Variants in CDRT4 observed in about 807,000 individuals in gnomAD.
CDRT4 encodes CMT1A duplicated region transcript 4 protein.
For synonymous variants in CDRT4, 64 were observed against 69.6 expected (o/e 0.92, Z 0.40); for missense variants, 167 against 193.1 (o/e 0.87, Z 0.80).
intron 1 of CDRT4, among the ~76,000 whole-genome samples, chr17:15,462,579 C>CGA (rs1979809148): frequency 6.6e-6 from 1 of 151,918 alleles, no homozygotes; most frequent in Non-Finnish European, 1.5e-5. Flanking sequence ...GGCATTCATT[C>CGA]AGAAGAATAC....
intron 2 of CDRT4, among the ~76,000 whole-genome samples, chr17:15,443,009 C>T (rs1978839762): frequency 6.6e-6 from 1 of 152,156 alleles, no homozygotes; most frequent in Admixed American, 6.5e-5. Context: ...AAGCGGCTTT[C>T]TTGTTTTTCC....
At chr17:15,459,623 T>A (rs1433437413) in intron 1 of CDRT4, among the ~76,000 whole-genome samples, 2 of 151,928 alleles carry the variant, frequency 1.3e-5, no homozygotes, top group African/African-American at 4.8e-5. Context: ...TTTTTTTGTA[T>A]TTTTAGTAGA....
At chr17:15,440,475 G>T (rs911191342) in intron 2 of CDRT4, among the ~76,000 whole-genome samples, 190 bp from the exon 3 acceptor site, 1 of 152,146 alleles carries the variant, frequency 6.6e-6, no homozygotes, top group African/African-American at 2.4e-5. Flanking sequence ...AAGGCCTGCA[G>T]GCATGGCCTT....
chr17:15,444,714 C>CAG (rs59581257), intron 2 of CDRT4, among the ~76,000 whole-genome samples: 5,286 of 135,832 alleles, frequency 0.039, 139 homozygotes, highest in African/African-American at 0.072. Context: ...TAGCCAAGCG[C>CAG]AGAGAGAGAG....
intron 1 of CDRT4, among the ~76,000 whole-genome samples, chr17:15,453,617 C>G (rs1350737519): frequency 1.3e-5 from 2 of 152,150 alleles, no homozygotes; most frequent in African/African-American, 4.8e-5. Flanking sequence ...CTTTACTGTT[C>G]TAGTGAGGTT....
At chr17:15,444,544 T>G (rs1978928203) in intron 2 of CDRT4, among the ~76,000 whole-genome samples, 1 of 152,122 alleles carries the variant, frequency 6.6e-6, no homozygotes. Flanking sequence ...TAAAATATTA[T>G]TATTAACTAC....
rs1416188203 is a variant in CDRT4 at position 15,450,772 on chromosome 17, T to G, written c.-48+2232A>C. Among the ~76,000 whole-genome samples the G allele has an allele frequency of 6.6e-6, 1 of 152,192 alleles. No homozygotes were observed. The highest frequency in any genetic ancestry group is 1.5e-5 in the Non-Finnish European group (1 of 68,046). On this transcript the variant is annotated intron_variant, in intron 2 of 3. Transcript: ENST00000619038. The surrounding 1 kb of genome is among the most constrained non-coding windows in gnomAD (Gnocchi z 4.2). ...ACTTTTCATGGTTCAAACAAACTCT[T>G]GACCTTACTCCATAAAATGTTCCTC... is the stretch of plus-strand genomic sequence containing the variant.
chr17:15,447,891 A>C (rs1240661570), intron 2 of CDRT4, among the ~76,000 whole-genome samples: 1 of 152,206 alleles, frequency 6.6e-6, no homozygotes, highest in East Asian at 1.9e-4. Context: ...AGATACGGAG[A>C]AACAAGCAGC....
intron 2 of CDRT4, among the ~76,000 whole-genome samples, chr17:15,449,927 T>C (rs1383049643): frequency 2.0e-5 from 3 of 152,238 alleles, no homozygotes; most frequent in South Asian, 4.1e-4. Flanking sequence ...TTCCATGGCA[T>C]ATATATGCCA....
At chr17:15,438,813 T>C (rs1043384118) in intron 3 of CDRT4, among the ~76,000 whole-genome samples, 5 of 152,244 alleles carry the variant, frequency 3.3e-5, no homozygotes, top group African/African-American at 4.8e-5. Context: ...AACTCTTTCA[T>C]TTACTTCTAG....
rs759281895 is a variant in CDRT4 at position 15,440,275 on chromosome 17, G to A, written c.-37C>T. ...TATTTACTGATTTCTTAACATCACA[G>A]GTTCAGATTCCTATGGGAAAATACA... is the stretch of plus-strand genomic sequence containing the variant. On this transcript the variant is annotated 5_prime_UTR_variant, in exon 3 of 4. Transcript: ENST00000619038. 3 of 1,612,048 alleles carry A rather than the reference G, an allele frequency of 1.9e-6. No individual in the cohort carries two copies. The highest frequency in any genetic ancestry group is 2.5e-6 in the Non-Finnish European group (3 of 1,179,928).
At chr17:15,452,703 A>T (rs1274236691) in intron 2 of CDRT4, 4 of 152,246 alleles carry the variant, frequency 2.6e-5, no homozygotes, top group African/African-American at 9.6e-5. Context: ...CTTCCCTTCC[A>T]GGACGGCTCC....
chr17:15,443,381 G>A (rs1375387810), intron 2 of CDRT4, among the ~76,000 whole-genome samples: 1 of 150,334 alleles, frequency 6.7e-6, no homozygotes, highest in Non-Finnish European at 1.5e-5. Flanking sequence ...CTGGGCTCAA[G>A]CAATCCTCCT....
chr17:15,454,648 C>G (rs1979406229), intron 1 of CDRT4, among the ~76,000 whole-genome samples: 1 of 152,142 alleles, frequency 6.6e-6, no homozygotes, highest in African/African-American at 2.4e-5. Context: ...ACTTAAGGAG[C>G]AAAACTGAGC....
In CDRT4 at chr17:15,450,450, T is replaced by C. The variant is rs530137829; in HGVS notation, c.-48+2554A>G. Among the ~76,000 whole-genome samples, 15 of 152,202 alleles carry C rather than the reference T, an allele frequency of 9.9e-5. No homozygotes were observed. The highest frequency in any genetic ancestry group is 3.3e-4 in the Admixed American group (5 of 15,282). ...CAAAATGCAATGGTCATGGATAGAGTTGAGCACTCACTCTCACATTCTTGA... is the reference window on the plus strand; with the variant it reads ...CAAAATGCAATGGTCATGGATAGAGCTGAGCACTCACTCTCACATTCTTGA... On this transcript the variant is annotated intron_variant, in intron 2 of 3. Coordinates refer to ENST00000619038, the MANE Select transcript of CDRT4 (RefSeq NM_001204477.2). The surrounding 1 kb of genome is among the most constrained non-coding windows in gnomAD (Gnocchi z 4.2).
rs539448541 is a variant in CDRT4, at chr17:15,438,395, G to A, written c.32-195C>T. ...CTAGAAAGTCTATCAATTAAACAAC[G>A]AAAGAATGGTAAGGAGCAAGAGACA... On this transcript the variant is annotated intron_variant, in intron 3 of 3. Transcript: ENST00000619038. Among the ~76,000 whole-genome samples, 532 of 150,240 alleles carry A rather than the reference G, an allele frequency of 3.5e-3. 1 individual carries two copies. The highest frequency in any genetic ancestry group is 5.7e-3 in the Non-Finnish European group (390 of 67,916).
At chr17:15,443,329 G>C (rs1157569621) in intron 2 of CDRT4, among the ~76,000 whole-genome samples, 1 of 150,686 alleles carries the variant, frequency 6.6e-6, no homozygotes, top group Non-Finnish European at 1.5e-5. Flanking sequence ...ACTCAGGCTG[G>C]AGTGTAGTGG....
chr17:15,446,659 T>C (rs772373551), intron 2 of CDRT4, among the ~76,000 whole-genome samples: 18 of 152,150 alleles, frequency 1.2e-4, no homozygotes, highest in Admixed American at 2.0e-4. Context: ...TGTTAGCATG[T>C]TCTTATACAG....
At chr17:15,461,346 G>A (rs1294236387) in intron 1 of CDRT4, among the ~76,000 whole-genome samples, 1 of 152,194 alleles carries the variant, frequency 6.6e-6, no homozygotes, top group Non-Finnish European at 1.5e-5. Flanking sequence ...CTGCAGTTCC[G>A]CTACAGCATG....
Sources: allele counts gnomAD v4.1 joint callset (sites outside exome capture counted in the v4.1 genomes callset), GRCh38; gene constraint gnomAD v4.1.1; non-coding constraint Gnocchi (gnomAD v3.1); transcripts MANE v1.5; gene names NCBI Gene and HGNC (gene_info 2026-07-23, HGNC 2026-07-21).